The following RAB40B variants were observed in gnomAD, a reference collection of about 807,000 sequenced individuals.
RAB40B encodes the protein RAB40B, member RAS oncogene family.
In RAB40B, 21 loss-of-function variants were observed where a neutral mutation model predicts 24.0. The observed-to-expected ratio is 0.88, with a 90% CI of 0.62 to 1.26. RAB40B has a LOEUF of 1.26. Ranked by LOEUF, RAB40B falls within the 50% of genes most tolerant of loss-of-function variation. RAB40B has a pLI of 0.00. For synonymous variants in RAB40B, 167 were observed against 169.8 expected, an observed-to-expected ratio of 0.98 and a Z score of 0.13; for missense variants, 348 against 390.5, an observed-to-expected ratio of 0.89 and a Z score of 0.92.
intron 1 of RAB40B, among the ~76,000 whole-genome samples, chr17:82,668,682 C>G (rs2046291103): frequency 2.6e-5 from 4 of 152,202 alleles, no homozygotes; most frequent in Admixed American, 2.0e-4. Flanking sequence ...TGAGGAGAGG[C>G]CAGGCATTTG....
At chr17:82,666,994 C>T (rs570145523) in intron 1 of RAB40B, among the ~76,000 whole-genome samples, 42 of 152,264 alleles carry the variant, frequency 2.8e-4, no homozygotes, top group East Asian at 9.7e-4. Context: ...GCTGAGAGGC[C>T]GAGGGGAGAA....
At chr17:82,689,527 C>A (rs1366688332) in intron 1 of RAB40B, among the ~76,000 whole-genome samples, 1 of 152,088 alleles carries the variant, frequency 6.6e-6, no homozygotes, top group Non-Finnish European at 1.5e-5. Context: ...GGGAGAGGAC[C>A]CTGCAGGACA....
At chr17:82,658,419 A>C in intron 5 of RAB40B, 72 bp downstream of exon 5, 1 of 1,530,292 alleles carries the variant, frequency 6.5e-7, no homozygotes, top group South Asian at 1.1e-5. Context: ...GCAGACACTT[A>C]TCCAGGGGGC....
At chr17:82,681,985 C>A (rs937128441) in intron 1 of RAB40B, among the ~76,000 whole-genome samples, 9 of 152,100 alleles carry the variant, frequency 5.9e-5, no homozygotes, top group African/African-American at 2.2e-4. Context: ...ATGAAAATAT[C>A]CACTCTTACC....
intron 1 of RAB40B, among the ~76,000 whole-genome samples, chr17:82,680,386 C>G (rs769165434): frequency 1.3e-5 from 2 of 152,170 alleles, no homozygotes; most frequent in African/African-American, 4.8e-5. Flanking sequence ...GGGGACGGGA[C>G]GGCAGTTCCC....
intron 1 of RAB40B, among the ~76,000 whole-genome samples, chr17:82,672,374 C>G (rs369619558): frequency 2.9e-4 from 41 of 141,490 alleles, no homozygotes; most frequent in Middle Eastern, 4.0e-3. Context: ...CACTGACACA[C>G]CTCACCCCTG....
chr17:82,687,659 C>T (rs560487841), intron 1 of RAB40B, among the ~76,000 whole-genome samples: 47 of 152,290 alleles, frequency 3.1e-4, no homozygotes, highest in African/African-American at 9.6e-4. Flanking sequence ...AGGACATGGC[C>T]GCCAGCTTCT....
rs2046620680 is a variant in RAB40B at position 82,697,356 on chromosome 17, T to C, written c.142+1099A>G. 6.6e-6 allele frequency among the ~76,000 whole-genome samples: 1 copy of C among 151,754 alleles called. No homozygotes were observed. The highest frequency in any genetic ancestry group is 2.4e-5 in the African/African-American group (1 of 41,320). On this transcript the variant is annotated intron_variant, in intron 1 of 5. Transcript: ENST00000571995. The surrounding 1 kb of genome is among the most constrained non-coding windows in gnomAD (Gnocchi z 4.9). ...CCTCAGATCCCGCTTCCTCCCACCC[T>C]CTCCCGCTAAGTTCGTCTCTGGCAG...
Position 82,657,946 on chromosome 17 carries a change from T to C in RAB40B, c.754A>G (p.Ser252Gly), listed in dbSNP as rs1026176133. The C allele has an allele frequency of 1.9e-6, 3 of 1,613,934 alleles. No homozygotes were observed. The highest frequency in any genetic ancestry group is 1.7e-5 in the Admixed American group (1 of 59,980). ...SLTTSSTHKR[S>G]SLRKVKLVRP... ...ACGAGCTTCACTTTGCGGAGGCTGC[T>C]CCTTTTGTGGGTGGAGCTGGTGGTG... Residue 252 changes from serine (S) to glycine (G), a missense_variant, in exon 6 of 6, where the codon AGC becomes GGC. Transcript: ENST00000571995.
At chr17:82,688,696 G>A (rs1039908997) in intron 1 of RAB40B, among the ~76,000 whole-genome samples, 3 of 152,146 alleles carry the variant, frequency 2.0e-5, no homozygotes, top group Non-Finnish European at 2.9e-5. Context: ...CACTTTGGGA[G>A]GCTGAGGCAG....
chr17:82,686,075 T>C (rs1331552887), intron 1 of RAB40B, among the ~76,000 whole-genome samples: 1 of 150,832 alleles, frequency 6.6e-6, no homozygotes, highest in Non-Finnish European at 1.5e-5. Flanking sequence ...GTGCTGGGAT[T>C]ACAGGCGTGA....
In RAB40B at chr17:82,667,019, C is replaced by T. The variant is rs573947258; in HGVS notation, c.143-2463G>A. Among the ~76,000 whole-genome samples the T allele has an allele frequency of 2.8e-4, 43 of 152,326 alleles. No individual in the cohort carries two copies. In the South Asian group the frequency reaches 3.5e-3, roughly 12 times the overall value. On this transcript the variant is annotated intron_variant, in intron 1 of 5. Coordinates refer to ENST00000571995, the MANE Select transcript of RAB40B (RefSeq NM_006822.3). The surrounding 1 kb of genome is among the most constrained non-coding windows in gnomAD (Gnocchi z 4.3). ...CGAGGGGAGAAGCAGCGCCGAGGCT[C>T]GCACCAGACCTCACCCTGGAGACCG...
rs142125807 is a variant in RAB40B, at chr17:82,688,386, G to A, written c.142+10069C>T. Among the ~76,000 whole-genome samples, 1,195 of 148,704 alleles carry A rather than the reference G, an allele frequency of 8.0e-3. 14 individuals are homozygous for A. Among genetic ancestry groups the A allele is most frequent in the African/African-American group, 0.028 (1,139 of 40,528 alleles). On this transcript the variant is annotated intron_variant, in intron 1 of 5. Coordinates refer to ENST00000571995, the MANE Select transcript of RAB40B (RefSeq NM_006822.3). ...TCCCAGCACTTTGGGAGTCCGAGGCGGGTAGATCACGAGGTCAGGAGTTCG... is the reference window on the plus strand; with the variant it reads ...TCCCAGCACTTTGGGAGTCCGAGGCAGGTAGATCACGAGGTCAGGAGTTCG...
At chr17:82,680,698 T>A (rs2046440507) in intron 1 of RAB40B, among the ~76,000 whole-genome samples, 2 of 152,242 alleles carry the variant, frequency 1.3e-5, no homozygotes, top group South Asian at 4.1e-4. Context: ...ATTTTAACAT[T>A]TTTCATATGA....
chr17:82,668,996 T>C (rs1427807549), intron 1 of RAB40B, among the ~76,000 whole-genome samples: 1 of 152,206 alleles, frequency 6.6e-6, no homozygotes, highest in Non-Finnish European at 1.5e-5. Flanking sequence ...CACACTGCTG[T>C]GGTTTTCCCA....
At chr17:82,698,325 CCG>C in intron 1 of RAB40B, 128 bp downstream of exon 1, 1 of 894,530 alleles carries the variant, frequency 1.1e-6, no homozygotes, top group Non-Finnish European at 1.4e-6. Context: ...GCCACGCGCC[CCG>C]GCCTCTTCCC....
chr17:82,683,067 C>T (rs1026029109), intron 1 of RAB40B, among the ~76,000 whole-genome samples: 2 of 152,116 alleles, frequency 1.3e-5, no homozygotes, highest in Non-Finnish European at 2.9e-5. Context: ...TGCTTGAATC[C>T]GGGAGATGGA....
intron 2 of RAB40B, 190 bp from the exon 3 acceptor site, chr17:82,661,237 G>A: frequency 7.3e-6 from 10 of 1,363,238 alleles, no homozygotes; most frequent in Non-Finnish European, 9.5e-6. Flanking sequence ...GTCCTCCCAG[G>A]CTCATGCTCT....
rs567171897 is a variant in RAB40B, at chr17:82,698,282, C to T, written c.142+173G>A. 9.9e-5 allele frequency among the ~76,000 whole-genome samples: 15 copies of T among 151,934 alleles called. No homozygotes were observed. In the South Asian group the frequency reaches 2.3e-3, roughly 23 times the overall value. On this transcript the variant is annotated intron_variant, in intron 1 of 5. Transcript: ENST00000571995. ...CGCGAACCGCGCTCCTCCTCAGCCC[C>T]GCGCCCCCGGACCGGGACTCCTACC...
Sources: gnomAD v4.1 joint callset for allele counts (sites outside exome capture counted in the v4.1 genomes callset) on GRCh38, gnomAD v4.1.1 for gene constraint, Gnocchi (gnomAD v3.1) non-coding constraint, MANE v1.5 for transcripts, NCBI Gene and HGNC (gene_info 2026-07-23, HGNC 2026-07-21) for gene names.